The following PCDH11X variants were observed in gnomAD, a reference collection of about 807,000 sequenced individuals.
PCDH11X encodes protocadherin-11 X-linked.
PCDH11X carries 18 observed loss-of-function variants against 53.3 expected under a neutral mutation model. The ratio of observed to expected loss-of-function variants is 0.34; its 90% confidence interval spans 0.23 to 0.50. The LOEUF is 0.50. Ranked by LOEUF, PCDH11X falls within the 20% of genes least tolerant of loss-of-function variation. The pLI, the probability that PCDH11X is intolerant of heterozygous loss-of-function variation, is 0.98. For synonymous variants in PCDH11X, 279 were observed against 393.3 expected, an observed-to-expected ratio of 0.71 and a Z score of 3.44; for missense variants, 570 against 1,032.4, an observed-to-expected ratio of 0.55 and a Z score of 6.14.
intron 8 of PCDH11X, among the ~76,000 whole-genome samples, chrX:92,311,556 T>C (rs1337294852): frequency 9.0e-6 from 1 of 111,088 alleles, no homozygotes; most frequent in Non-Finnish European, 1.9e-5. Flanking sequence ...GAAAGTTAAT[T>C]CTCAAAGAAT....
intron 7 of PCDH11X, among the ~76,000 whole-genome samples, chrX:92,213,124 T>TA (rs2066622381): frequency 1.8e-5 from 2 of 111,815 alleles, no homozygotes; most frequent in South Asian, 3.7e-4. Context: ...AGACTAAATA[T>TA]AAAAAAATCA....
At chrX:91,848,832 A>T (rs1401535916) in intron 5 of PCDH11X, among the ~76,000 whole-genome samples, 1 of 111,783 alleles carries the variant, frequency 8.9e-6, no homozygotes, top group African/African-American at 3.2e-5. Flanking sequence ...CCACAAAAAA[A>T]TTTCTACGTA....
intron 6 of PCDH11X, among the ~76,000 whole-genome samples, chrX:92,100,484 C>T (rs1418991049): frequency 2.7e-5 from 3 of 110,071 alleles, no homozygotes; most frequent in Non-Finnish European, 5.7e-5. Context: ...CCAGGATGAG[C>T]CAGGAAAAGG....
intron 9 of PCDH11X, among the ~76,000 whole-genome samples, chrX:92,415,463 GCAATTA>G (rs1201594643): frequency 1.8e-5 from 2 of 111,460 alleles, no homozygotes; most frequent in Non-Finnish European, 3.8e-5. Context: ...GTCCATCAAT[GCAATTA>G]CAATGCATCA....
chrX:92,473,390 A>T (rs972048765), intron 10 of PCDH11X, among the ~76,000 whole-genome samples: 6 of 111,981 alleles, frequency 5.4e-5, no homozygotes, highest in African/African-American at 1.9e-4. Flanking sequence ...TTTAAATTTA[A>T]CAAAACAACC....
intron 6 of PCDH11X, among the ~76,000 whole-genome samples, chrX:92,168,575 C>T (rs1361840210): frequency 2.7e-5 from 3 of 109,950 alleles, no homozygotes; most frequent in Non-Finnish European, 5.7e-5. Context: ...CACGAAAAAC[C>T]CCCAACTATA....
At chrX:92,140,645 T>C (rs1232216656) in intron 6 of PCDH11X, among the ~76,000 whole-genome samples, 6 of 111,706 alleles carry the variant, frequency 5.4e-5, no homozygotes, top group Non-Finnish European at 1.1e-4. Flanking sequence ...AATAAAAACA[T>C]TTACATATAA....
chrX:92,523,253 G>A (rs2074396699), intron 10 of PCDH11X, among the ~76,000 whole-genome samples: 1 of 110,821 alleles, frequency 9.0e-6, no homozygotes, highest in Admixed American at 9.6e-5. Flanking sequence ...ACCTTTTTTT[G>A]CATAGTACTC....
intron 6 of PCDH11X, among the ~76,000 whole-genome samples, chrX:92,151,397 T>C (rs1440786489): frequency 9.1e-6 from 1 of 110,434 alleles, no homozygotes; most frequent in East Asian, 2.8e-4. Flanking sequence ...TTTCACCGTG[T>C]TAGCCAGGAT....
intron 7 of PCDH11X, among the ~76,000 whole-genome samples, chrX:92,217,015 C>G (rs1441782449): frequency 9.0e-6 from 1 of 110,778 alleles, no homozygotes; most frequent in African/African-American, 3.3e-5. Flanking sequence ...GAGATTTTGT[C>G]ACCACCAGGC....
chrX:92,218,310 A>G (rs1437923044), intron 7 of PCDH11X, among the ~76,000 whole-genome samples: 2 of 38,922 alleles, frequency 5.1e-5, no homozygotes, highest in Non-Finnish European at 1.2e-4. Context: ...CAAGACTAAT[A>G]AAGAAGAAAA....
intron 4 of PCDH11X, among the ~76,000 whole-genome samples, chrX:91,816,236 A>T (rs1486596030): frequency 8.9e-6 from 1 of 111,980 alleles, no homozygotes; most frequent in Non-Finnish European, 1.9e-5. Context: ...AAATATTAGA[A>T]TATAAGATCT....
chrX:92,373,368 A>G (rs908885756), intron 8 of PCDH11X, among the ~76,000 whole-genome samples: 1 of 111,288 alleles, frequency 9.0e-6, no homozygotes, highest in African/African-American at 3.3e-5. Context: ...AATTTCCCTC[A>G]GTCTCAATTT....
At chrX:91,945,908 A>G (rs2061567196) in intron 6 of PCDH11X, among the ~76,000 whole-genome samples, 1 of 110,109 alleles carries the variant, frequency 9.1e-6, no homozygotes, top group Non-Finnish European at 1.9e-5. Context: ...GCCATTTAGT[A>G]CCAACTACTT....
At chrX:92,446,875 C>T (rs1261592803) in intron 9 of PCDH11X, among the ~76,000 whole-genome samples, 1 of 111,230 alleles carries the variant, frequency 9.0e-6, no homozygotes, top group Non-Finnish European at 1.9e-5. Flanking sequence ...ATGGCTTTGC[C>T]CAAAATGCTG....
chrX:92,293,258 G>A (rs2068527361), intron 8 of PCDH11X, among the ~76,000 whole-genome samples: 1 of 111,007 alleles, frequency 9.0e-6, no homozygotes, highest in Non-Finnish European at 1.9e-5. Flanking sequence ...GTGACTAAAA[G>A]TAAAATTAAA....
intron 6 of PCDH11X, among the ~76,000 whole-genome samples, chrX:91,935,968 A>AGGG (rs1172376945): frequency 9.3e-6 from 1 of 107,937 alleles, no homozygotes; most frequent in Non-Finnish European, 1.9e-5. Flanking sequence ...CAAGTAGCAG[A>AGGG]CTTTAGAGAG....
intron 10 of PCDH11X, among the ~76,000 whole-genome samples, chrX:92,508,310 G>A (rs1411954377): frequency 9.1e-6 from 1 of 109,374 alleles, no homozygotes; most frequent in Non-Finnish European, 1.9e-5. Flanking sequence ...TGCAACCTCT[G>A]CCTCCTGGGT....
At chrX:92,111,600 C>A (rs926390169) in intron 6 of PCDH11X, among the ~76,000 whole-genome samples, 3 of 110,070 alleles carry the variant, frequency 2.7e-5, no homozygotes, top group Non-Finnish European at 5.7e-5. Flanking sequence ...CACAACATTA[C>A]TAAGTTGAAA....
Sources: gnomAD v4.1 joint callset for allele counts (sites outside exome capture counted in the v4.1 genomes callset) on GRCh38, gnomAD v4.1.1 for gene constraint, MANE v1.5 for transcripts, NCBI Gene and HGNC (gene_info 2026-07-23, HGNC 2026-07-21) for gene names.